Variants in PRR5L observed in about 807,000 individuals in gnomAD.
The protein encoded by PRR5L is proline-rich protein 5-like.
Under a neutral mutation model 36.4 loss-of-function variants are expected in PRR5L, and 21 were observed. The ratio of observed to expected loss-of-function variants is 0.58; its 90% CI spans 0.41 to 0.83. The LOEUF is 0.83. Ranked by LOEUF, PRR5L falls within the 40% of genes least tolerant of loss-of-function variation. The pLI, the probability that PRR5L is intolerant of heterozygous loss-of-function variation, is 0.00. For synonymous variants in PRR5L, 188 were observed against 197.0 expected, an observed-to-expected ratio of 0.95 and a Z score of 0.38; for missense variants, 381 against 473.3, an observed-to-expected ratio of 0.80 and a Z score of 1.81.
intron 6 of PRR5L, among the ~76,000 whole-genome samples, chr11:36,444,217 G>A (rs1270853182): frequency 1.3e-5 from 2 of 152,200 alleles, no homozygotes; most frequent in Non-Finnish European, 2.9e-5. Flanking sequence ...GTCAATATGT[G>A]CTGGTATGAA....
intron 1 of PRR5L, among the ~76,000 whole-genome samples, chr11:36,375,451 T>A (rs1455055859): frequency 1.3e-5 from 2 of 152,060 alleles, no homozygotes; most frequent in South Asian, 2.1e-4. Flanking sequence ...ATAGGTTTTG[T>A]AGGGTCGCAA....
At chr11:36,433,648 C>A (rs1481887154) in intron 5 of PRR5L, among the ~76,000 whole-genome samples, 1 of 152,178 alleles carries the variant, frequency 6.6e-6, no homozygotes, top group Non-Finnish European at 1.5e-5. Context: ...CTCCCAGGTT[C>A]AAGTGATTCT....
chr11:36,407,517 T>C (rs1363043672), intron 3 of PRR5L, among the ~76,000 whole-genome samples: 2 of 152,210 alleles, frequency 1.3e-5, no homozygotes, highest in African/African-American at 4.8e-5. Context: ...GCTAAGTTCT[T>C]ACAAGGAGAG....
chr11:36,456,772 C>T (rs1044148064), intron 8 of PRR5L, among the ~76,000 whole-genome samples: 2 of 152,248 alleles, frequency 1.3e-5, no homozygotes, highest in African/African-American at 4.8e-5. Context: ...GTAAATAGTT[C>T]CTCCTAAGAA....
chr11:36,455,703 G>A (rs1244754413), intron 8 of PRR5L, among the ~76,000 whole-genome samples: 1 of 152,192 alleles, frequency 6.6e-6, no homozygotes, highest in Non-Finnish European at 1.5e-5. Flanking sequence ...AAAAAGATTG[G>A]GGAGGAGAAC....
At chr11:36,330,512 C>G (rs1001860700) in intron 1 of PRR5L, among the ~76,000 whole-genome samples, 8 of 152,270 alleles carry the variant, frequency 5.3e-5, no homozygotes, top group Non-Finnish European at 7.3e-5. Flanking sequence ...TGTCATATCC[C>G]TTTCCGTGGG....
rs576646468 is a variant in PRR5L, at chr11:36,401,111, C to T, written c.-11C>T. On this transcript the variant is annotated 5_prime_UTR_variant, in exon 2 of 9. Coordinates refer to ENST00000530639, the MANE Select transcript of PRR5L (RefSeq NM_001160167.2). ...GGTCCTAGAGGTGAAGCTGAACTGT[C>T]ACCAGGACTTATGACCCGCGGCTTC... 3 of 1,613,936 alleles carry T rather than the reference C, an allele frequency of 1.9e-6. No individual in the cohort carries two copies. Among genetic ancestry groups the T allele is most frequent in the South Asian group, 1.1e-5 (1 of 91,022 alleles).
chr11:36,432,767 C>G (rs1858528164), intron 5 of PRR5L, among the ~76,000 whole-genome samples: 1 of 152,120 alleles, frequency 6.6e-6, no homozygotes, highest in African/African-American at 2.4e-5. Flanking sequence ...ATCAAACTTA[C>G]TTCCAGATCC....
chr11:36,395,649 A>G (rs1188222107), intron 1 of PRR5L, among the ~76,000 whole-genome samples: 2 of 152,264 alleles, frequency 1.3e-5, no homozygotes, highest in Admixed American at 1.3e-4. Flanking sequence ...TATCAGAAAA[A>G]TAGGGGCACA....
At chr11:36,397,356 G>A (rs1466533995) in intron 1 of PRR5L, among the ~76,000 whole-genome samples, 1 of 150,500 alleles carries the variant, frequency 6.6e-6, no homozygotes, top group Admixed American at 6.6e-5. Flanking sequence ...GAGCCACTGT[G>A]CCCAGCTCAA....
rs116106181 is a variant in PRR5L, at chr11:36,437,586, G to A, written c.444+110G>A. ...ATGGGAGAAAACTTGGAGATTGGGCGCTTGTATTGGTTAAGGAGTTTAGAG... is the reference window on the plus strand; with the variant it reads ...ATGGGAGAAAACTTGGAGATTGGGCACTTGTATTGGTTAAGGAGTTTAGAG... On this transcript the variant is annotated intron_variant, in intron 6 of 8. Coordinates refer to ENST00000530639, the MANE Select transcript of PRR5L (RefSeq NM_001160167.2). The A allele has an allele frequency of 6.2e-3, 4,050 of 656,502 alleles. 112 individuals are homozygous for A. The African/African-American group carries it at 0.064, about 10-fold the overall frequency. The allele number at this position is 656,502 out of a possible 1,614,324, so 40.7% of individuals were successfully genotyped here. A position where few individuals can be genotyped will look rare whatever the true frequency, so the allele number is the denominator to read the frequency against.
At position 36,296,292 on chromosome 11, in the gene PRR5L, T is replaced by A. The variant is rs1259777894; in HGVS notation, c.-272T>A. ...TTTTCTGCCTGCTTCTCTGTCAGTC[T>A]TCAGGCCCCAGGTCAGTGAGTGGCA... On this transcript the variant is annotated 5_prime_UTR_variant, in exon 1 of 9. Coordinates refer to ENST00000530639, the MANE Select transcript of PRR5L (RefSeq NM_001160167.2). 3 of 152,278 alleles carry A rather than the reference T, an allele frequency of 2.0e-5. No homozygotes were observed. The highest frequency in any genetic ancestry group is 4.4e-5 in the Non-Finnish European group (3 of 68,096). 9.4% of individuals were successfully genotyped at this position (152,278 alleles called of 1,614,324 possible). A position where few individuals can be genotyped will look rare whatever the true frequency, so the allele number is the denominator to read the frequency against.
intron 1 of PRR5L, among the ~76,000 whole-genome samples, chr11:36,307,715 G>A (rs903654216): frequency 2.0e-5 from 3 of 152,186 alleles, no homozygotes; most frequent in Admixed American, 6.5e-5. Context: ...TTCTGTGGGC[G>A]ATGGGATCAG....
intron 5 of PRR5L, among the ~76,000 whole-genome samples, chr11:36,432,380 AG>A (rs1305589684): frequency 1.3e-5 from 2 of 152,164 alleles, no homozygotes; most frequent in African/African-American, 4.8e-5. Context: ...CTCACTCAAT[AG>A]GGTATGATTT....
chr11:36,397,624 T>G (rs545036420), intron 1 of PRR5L, among the ~76,000 whole-genome samples: 60 of 151,142 alleles, frequency 4.0e-4, no homozygotes, highest in African/African-American at 1.4e-3. Flanking sequence ...GCCCGGCTAA[T>G]TTTTGTACTT....
intron 1 of PRR5L, among the ~76,000 whole-genome samples, chr11:36,309,647 G>GCAT (rs1856475787): frequency 2.0e-5 from 3 of 151,354 alleles, no homozygotes; most frequent in Non-Finnish European, 3.0e-5. Flanking sequence ...GTGGTAGTGG[G>GCAT]GATGATGATG....
At chr11:36,439,192 G>A (rs1858669166) in intron 6 of PRR5L, among the ~76,000 whole-genome samples, 1 of 152,102 alleles carries the variant, frequency 6.6e-6, no homozygotes, top group African/African-American at 2.4e-5. Context: ...CAGCAACATG[G>A]TACCACCATT....
intron 3 of PRR5L, among the ~76,000 whole-genome samples, chr11:36,405,216 C>A (rs1266966340): frequency 1.3e-5 from 2 of 152,142 alleles, no homozygotes; most frequent in Non-Finnish European, 2.9e-5. Context: ...GGCGTGGATG[C>A]CTGGCAGTGA....
chr11:36,381,110 G>A (rs1472746324), intron 1 of PRR5L, among the ~76,000 whole-genome samples: 1 of 152,222 alleles, frequency 6.6e-6, no homozygotes, highest in East Asian at 1.9e-4. Context: ...TCAATTTTGA[G>A]GTGCGAATAT....
Sources: allele counts gnomAD v4.1 joint callset (sites outside exome capture counted in the v4.1 genomes callset), GRCh38; gene constraint gnomAD v4.1.1; transcripts MANE v1.5; gene names NCBI Gene and HGNC (gene_info 2026-07-23, HGNC 2026-07-21).